The following CFAP61 variants were observed in gnomAD, a reference collection of about 807,000 sequenced individuals.
CFAP61 encodes the protein cilia and flagella associated protein 61.
A neutral mutation model predicts 135.6 loss-of-function variants in CFAP61; 107 were observed. The ratio of observed to expected loss-of-function variants is 0.79; its 90% confidence interval spans 0.67 to 0.93. The LOEUF (loss-of-function observed/expected upper bound fraction) is 0.93, where lower values mean the gene tolerates loss of function less well. Ranked by LOEUF, CFAP61 falls within the 40% of genes least tolerant of loss-of-function variation. CFAP61 has a pLI of 0.00. For synonymous variants in CFAP61, 575 were observed against 578.5 expected, an observed-to-expected ratio of 0.99 and a Z score of 0.09; for missense variants, 1,507 against 1,556.2, an observed-to-expected ratio of 0.97 and a Z score of 0.53.
chr20:20,165,722 A>G (rs943322267), intron 11 of CFAP61, among the ~76,000 whole-genome samples: 8 of 152,166 alleles, frequency 5.3e-5, no homozygotes, highest in African/African-American at 1.9e-4. Flanking sequence ...ATAGCTGGAC[A>G]GTTCCTCTTC....
intron 25 of CFAP61, among the ~76,000 whole-genome samples, chr20:20,304,272 C>CTGTGTGTGTG (rs532157100): frequency 0.025 from 2,590 of 102,890 alleles, 51 homozygotes; most frequent in East Asian, 0.1. Flanking sequence ...CCATCGGTGA[C>CTGTGTGTGTG]TGTGTGTGTG....
chr20:20,158,350 A>G (rs1176538299), intron 9 of CFAP61, among the ~76,000 whole-genome samples: 6 of 6,960 alleles, frequency 8.6e-4, no homozygotes, highest in African/African-American at 2.4e-3. Context: ...TGGACCTTTG[A>G]AAAAAAAAAA....
At chr20:20,244,698 A>C (rs2050303916) in intron 18 of CFAP61, among the ~76,000 whole-genome samples, 1 of 152,228 alleles carries the variant, frequency 6.6e-6, no homozygotes, top group African/African-American at 2.4e-5. Flanking sequence ...GCTCCTTGTT[A>C]CTTATGCACA....
intron 6 of CFAP61, among the ~76,000 whole-genome samples, chr20:20,082,329 A>G (rs1343321127): frequency 6.6e-6 from 1 of 152,230 alleles, no homozygotes; most frequent in Non-Finnish European, 1.5e-5. Flanking sequence ...ATGAATTAAC[A>G]CTGTAATCCC....
intron 10 of CFAP61, among the ~76,000 whole-genome samples, chr20:20,162,571 A>C (rs960327321): frequency 2.6e-5 from 4 of 152,160 alleles, no homozygotes; most frequent in African/African-American, 9.7e-5. Flanking sequence ...AATGTGCTCT[A>C]ACGATATGAG....
At position 20,288,875 on chromosome 20, in the gene CFAP61, G is replaced by A; in HGVS notation, c.3063G>A (p.Val1021=). The A allele has an allele frequency of 6.2e-7, 1 of 1,613,668 alleles. No homozygotes were observed. Among genetic ancestry groups the A allele is most frequent in the Non-Finnish European group, 8.5e-7 (1 of 1,179,644 alleles). The change falls in exon 23 of 27, where the codon GTG becomes GTA. Residue 1021 remains valine (V), a synonymous_variant. Coordinates refer to ENST00000245957, the MANE Select transcript of CFAP61 (RefSeq NM_015585.4). ...LHLFDPTLEP[V]TEPPANLDRL... The stretch of plus-strand genomic sequence containing the variant: ...TCTTTGATCCAACCCTTGAGCCTGT[G>A]ACCGAGCCACCAGCTAATCTTGACC...
intron 13 of CFAP61, among the ~76,000 whole-genome samples, chr20:20,181,302 T>C (rs1308708494): frequency 2.1e-4 from 11 of 53,640 alleles, no homozygotes; most frequent in South Asian, 1.7e-3. Context: ...CACACACACA[T>C]AACCTTGTGT....
chr20:20,114,562 T>G (rs918608365), intron 8 of CFAP61, among the ~76,000 whole-genome samples: 1 of 152,230 alleles, frequency 6.6e-6, no homozygotes, highest in African/African-American at 2.4e-5. Flanking sequence ...TAAAAATCAT[T>G]TTTCAAATTG....
intron 2 of CFAP61, among the ~76,000 whole-genome samples, chr20:20,061,926 C>A (rs1034470684): frequency 2.0e-5 from 3 of 152,178 alleles, no homozygotes; most frequent in Non-Finnish European, 4.4e-5. Context: ...CCTGCATGAA[C>A]CTGAGAGTGA....
intron 8 of CFAP61, among the ~76,000 whole-genome samples, chr20:20,100,481 C>T (rs546138275): frequency 6.6e-6 from 1 of 152,048 alleles, no homozygotes; most frequent in Non-Finnish European, 1.5e-5. Context: ...CCCTAAATAG[C>T]CTTTTTATGG....
intron 8 of CFAP61, among the ~76,000 whole-genome samples, chr20:20,109,641 G>A (rs989216971): frequency 5.3e-5 from 8 of 152,118 alleles, no homozygotes; most frequent in Admixed American, 5.2e-4. Flanking sequence ...CAAGTGCTCG[G>A]TCTAAAGCTT....
intron 18 of CFAP61, among the ~76,000 whole-genome samples, chr20:20,240,137 A>G (rs2049912776): frequency 6.6e-6 from 1 of 152,208 alleles, no homozygotes; most frequent in Admixed American, 6.5e-5. Flanking sequence ...ACCCCCCTGG[A>G]GCATGCCAGT....
chr20:20,166,290 G>C (rs6106204), intron 11 of CFAP61, 107 bp from the exon 12 acceptor site: 1 of 827,578 alleles, frequency 1.2e-6, no homozygotes. Context: ...CTGACTAGTG[G>C]TTGGCTAATC....
At chr20:20,137,905 C>T (rs754261262) in intron 8 of CFAP61, among the ~76,000 whole-genome samples, 10 of 152,138 alleles carry the variant, frequency 6.6e-5, no homozygotes, top group Admixed American at 1.3e-4. Context: ...AGGCCCATGG[C>T]GAGTACTACC....
intron 25 of CFAP61, among the ~76,000 whole-genome samples, chr20:20,336,617 C>T (rs2058200301): frequency 7.0e-6 from 1 of 142,378 alleles, no homozygotes; most frequent in South Asian, 2.3e-4. Flanking sequence ...AAAGCAACAA[C>T]CTGTCTCTAA....
rs528876856 is a variant in CFAP61 at position 20,109,186 on chromosome 20, C to CTGA, written c.859+10381_859+10383dup. Among the ~76,000 whole-genome samples the CTGA allele has an allele frequency of 1.0e-3, 156 of 152,280 alleles. 3 individuals carry two copies. The highest frequency in any genetic ancestry group is 3.6e-3 in the African/African-American group (149 of 41,554). ...GATACATTTTCAGTCTGCCCTGTTA[C>CTGA]TGATGATGATGTGTGTCACTTTGAT... On this transcript the variant is annotated intron_variant, in intron 8 of 26. Coordinates refer to ENST00000245957, the MANE Select transcript of CFAP61 (RefSeq NM_015585.4).
intron 25 of CFAP61, among the ~76,000 whole-genome samples, chr20:20,340,470 C>T (rs1013917899): frequency 2.6e-5 from 4 of 152,054 alleles, no homozygotes; most frequent in South Asian, 2.1e-4. Flanking sequence ...GGCCAGAGCT[C>T]GTGACAGACC....
chr20:20,098,256 C>T (rs1410957617), intron 7 of CFAP61, among the ~76,000 whole-genome samples: 1 of 152,164 alleles, frequency 6.6e-6, no homozygotes, highest in African/African-American at 2.4e-5. Flanking sequence ...CACCAGCCGA[C>T]CACATTCTGA....
intron 26 of CFAP61, among the ~76,000 whole-genome samples, chr20:20,346,296 C>T (rs1330072390): frequency 1.1e-4 from 16 of 149,644 alleles, no homozygotes; most frequent in African/African-American, 2.4e-4. Flanking sequence ...GCAGGTGGAT[C>T]GCCCGAGGTC....
Sources: allele counts gnomAD v4.1 joint callset (sites outside exome capture counted in the v4.1 genomes callset), GRCh38; gene constraint gnomAD v4.1.1; transcripts MANE v1.5; gene names NCBI Gene and HGNC (gene_info 2026-07-23, HGNC 2026-07-21).